The following OSBPL1A variants were observed in gnomAD, a reference collection of about 807,000 sequenced individuals.
OSBPL1A encodes oxysterol-binding protein-related protein 1.
A neutral mutation model predicts 137.1 loss-of-function variants in OSBPL1A; 80 were observed. The observed-to-expected ratio is 0.58, with a 90% CI of 0.49 to 0.70. The LOEUF (loss-of-function observed/expected upper bound fraction) is 0.70, where lower values mean the gene tolerates loss of function less well. Ranked by LOEUF, OSBPL1A falls within the 30% of genes least tolerant of loss-of-function variation. OSBPL1A has a pLI of 0.00. For missense variants in OSBPL1A, 970 were observed against 1,129.4 expected, an observed-to-expected ratio of 0.86 and a Z score of 2.02; for synonymous variants, 365 against 389.7, an observed-to-expected ratio of 0.94 and a Z score of 0.75.
intron 16 of OSBPL1A, among the ~76,000 whole-genome samples, chr18:24,227,953 T>A (rs746268981): frequency 1.3e-5 from 2 of 152,110 alleles, no homozygotes; most frequent in Non-Finnish European, 2.9e-5. Context: ...GAGACATCAA[T>A]CATAAGGCAG....
At chr18:24,327,430 G>C (rs550564655) in intron 7 of OSBPL1A, among the ~76,000 whole-genome samples, 117 of 152,148 alleles carry the variant, frequency 7.7e-4, no homozygotes, top group African/African-American at 2.6e-3. Context: ...TACTTTTTAA[G>C]ATGGCGTCTC....
chr18:24,280,243 C>G (rs2089930049), intron 15 of OSBPL1A, among the ~76,000 whole-genome samples: 1 of 152,044 alleles, frequency 6.6e-6, no homozygotes, highest in Non-Finnish European at 1.5e-5. Flanking sequence ...CCACGCCTGG[C>G]CTAATTTTTG....
intron 16 of OSBPL1A, among the ~76,000 whole-genome samples, chr18:24,230,983 G>C (rs1444744109): frequency 1.3e-5 from 2 of 152,126 alleles, no homozygotes; most frequent in Non-Finnish European, 2.9e-5. Flanking sequence ...CACGTGCAGT[G>C]GTGTGCACCT....
At chr18:24,253,033 G>A (rs2089147969) in intron 15 of OSBPL1A, among the ~76,000 whole-genome samples, 1 of 151,502 alleles carries the variant, frequency 6.6e-6, no homozygotes, top group Non-Finnish European at 1.5e-5. Flanking sequence ...CTAAAAGGAA[G>A]ACAGGAAGGA....
intron 17 of OSBPL1A, among the ~76,000 whole-genome samples, chr18:24,216,209 A>C (rs2087690886): frequency 6.6e-6 from 1 of 152,196 alleles, no homozygotes; most frequent in Non-Finnish European, 1.5e-5. Context: ...TGTATTCTCA[A>C]TAAAATGAAA....
chr18:24,258,444 G>A (rs767534111), intron 15 of OSBPL1A, among the ~76,000 whole-genome samples: 1 of 152,208 alleles, frequency 6.6e-6, no homozygotes, highest in Non-Finnish European at 1.5e-5. Flanking sequence ...CATGGAGATA[G>A]AGAGGAGAAG....
At chr18:24,337,419 CAT>C (rs2091194847) in intron 5 of OSBPL1A, among the ~76,000 whole-genome samples, 1 of 150,340 alleles carries the variant, frequency 6.7e-6, no homozygotes, top group East Asian at 2.0e-4. Context: ...CATAACATAA[CAT>C]AAAGCCAGGC....
At chr18:24,175,338 A>G (rs2086419281) in intron 21 of OSBPL1A, among the ~76,000 whole-genome samples, 1 of 150,554 alleles carries the variant, frequency 6.6e-6, no homozygotes, top group African/African-American at 2.5e-5. Flanking sequence ...GGTGCATGTC[A>G]CCAAACCTGG....
intron 17 of OSBPL1A, among the ~76,000 whole-genome samples, chr18:24,210,995 T>G (rs912726447): frequency 4.6e-5 from 7 of 152,156 alleles, no homozygotes; most frequent in African/African-American, 7.2e-5. Context: ...AGACGGAGTC[T>G]CGCTCTGTCA....
At chr18:24,244,488 A>G (rs572426502) in intron 15 of OSBPL1A, among the ~76,000 whole-genome samples, 1 of 152,342 alleles carries the variant, frequency 6.6e-6, no homozygotes, top group South Asian at 2.1e-4. Context: ...CTTTCCCATG[A>G]CAAAAATCAA....
intron 4 of OSBPL1A, among the ~76,000 whole-genome samples, chr18:24,348,875 G>A (rs1329985993): frequency 2.0e-5 from 3 of 152,084 alleles, no homozygotes; most frequent in Admixed American, 6.5e-5. Flanking sequence ...CCAACAGTAA[G>A]TTTCACTCAT....
At chr18:24,296,541 T>C (rs1008001002) in intron 14 of OSBPL1A, among the ~76,000 whole-genome samples, 2 of 152,222 alleles carry the variant, frequency 1.3e-5, no homozygotes, top group African/African-American at 4.8e-5. Context: ...AGTACTACGT[T>C]GAATAGGAAG....
intron 17 of OSBPL1A, among the ~76,000 whole-genome samples, chr18:24,201,420 G>A (rs1013440628): frequency 2.0e-5 from 3 of 152,210 alleles, no homozygotes; most frequent in African/African-American, 7.2e-5. Context: ...TGAAGGTCAA[G>A]AGATCACGAT....
chr18:24,212,366 C>T (rs528713340), intron 17 of OSBPL1A, among the ~76,000 whole-genome samples: 2 of 152,212 alleles, frequency 1.3e-5, no homozygotes, highest in African/African-American at 4.8e-5. Flanking sequence ...CCTTCAAAAA[C>T]TTTAAAACTC....
At chr18:24,389,973 T>C (rs751510849) in intron 1 of OSBPL1A, among the ~76,000 whole-genome samples, 18 of 151,744 alleles carry the variant, frequency 1.2e-4, no homozygotes, top group Non-Finnish European at 2.6e-4. Flanking sequence ...ATAAAATCTA[T>C]AGAACCAAGA....
At chr18:24,225,253 T>C in intron 16 of OSBPL1A, 55 bp from the exon 17 acceptor site, 2 of 1,588,482 alleles carry the variant, frequency 1.3e-6, no homozygotes, top group East Asian at 2.2e-5. Context: ...GAGGCTTCCG[T>C]AACAATGGAT....
intron 1 of OSBPL1A, among the ~76,000 whole-genome samples, chr18:24,388,265 G>A (rs1047048950): frequency 7.9e-5 from 12 of 152,180 alleles, no homozygotes; most frequent in African/African-American, 2.2e-4. Context: ...CAAGTGCCTC[G>A]TGTCTATTCT....
In OSBPL1A at chr18:24,274,860, G is replaced by A. The variant is rs139801756; in HGVS notation, c.1281+5982C>T. Reference sequence around the variant, plus strand: ...GGAGGCTGAGGTTGCAGTGAGCCAAGATGGCACCACTGCACTCCAGCCTGG... The same window carrying A: ...GGAGGCTGAGGTTGCAGTGAGCCAAAATGGCACCACTGCACTCCAGCCTGG... On this transcript the variant is annotated intron_variant, in intron 15 of 27. Coordinates refer to ENST00000319481, the MANE Select transcript of OSBPL1A (RefSeq NM_080597.4). Among the ~76,000 whole-genome samples the A allele has an allele frequency of 1.3e-3, 200 of 151,980 alleles. 3 individuals are homozygous for A. In the East Asian group the frequency reaches 0.034, roughly 26 times the overall value.
intron 7 of OSBPL1A, among the ~76,000 whole-genome samples, chr18:24,319,192 T>C (rs2146122624): frequency 6.6e-6 from 1 of 152,326 alleles, no homozygotes; most frequent in South Asian, 2.1e-4. Flanking sequence ...TCCTTGCCTT[T>C]TCCACTTCTA....
Sources: gnomAD v4.1 joint callset for allele counts (sites outside exome capture counted in the v4.1 genomes callset) on GRCh38, gnomAD v4.1.1 for gene constraint, MANE v1.5 for transcripts, NCBI Gene and HGNC (gene_info 2026-07-23, HGNC 2026-07-21) for gene names.